The following BRD9 variants were observed in gnomAD, a reference collection of about 807,000 sequenced individuals.
BRD9 encodes bromodomain-containing protein 9.
A neutral mutation model predicts 68.7 loss-of-function variants in BRD9; 47 were observed. The observed-to-expected ratio is 0.68, with a 90% CI of 0.54 to 0.87. The LOEUF is 0.87. BRD9 is among the 40% of genes least tolerant of loss of function. BRD9 has a pLI of 0.00. For missense variants in BRD9, 670 were observed against 748.4 expected (o/e 0.90, Z 1.22); for synonymous variants, 313 against 293.9 (o/e 1.06, Z -0.67).
intron 7 of BRD9, among the ~76,000 whole-genome samples, chr5:884,845 C>A (rs955686393): frequency 3.3e-5 from 5 of 152,274 alleles, no homozygotes; most frequent in African/African-American, 4.8e-5. Context: ...TCCACTCAGG[C>A]ACCTGCGTGA....
intron 3 of BRD9, 67 bp downstream of exon 3, chr5:891,088 G>A (rs1753296987): frequency 6.8e-7 from 1 of 1,480,868 alleles, no homozygotes; most frequent in Non-Finnish European, 9.0e-7. Context: ...ACAGGACACG[G>A]TGCCGACCCC....
At chr5:889,731 T>C (rs1753073041) in intron 3 of BRD9, 84 bp from the exon 4 acceptor site, 2 of 1,581,954 alleles carry the variant, frequency 1.3e-6, no homozygotes, top group African/African-American at 1.3e-5. Context: ...TATCTGTCTG[T>C]CTGGTGTCTC....
chr5:887,986 G>T (rs888294092), intron 5 of BRD9, among the ~76,000 whole-genome samples: 1 of 152,152 alleles, frequency 6.6e-6, no homozygotes, highest in African/African-American at 2.4e-5. Flanking sequence ...GTGAAAATAC[G>T]GAAGCATCAG....
At chr5:876,611 C>G (rs1437240859) in intron 11 of BRD9, among the ~76,000 whole-genome samples, 1 of 152,184 alleles carries the variant, frequency 6.6e-6, no homozygotes, top group Non-Finnish European at 1.5e-5. Context: ...CAGGGGTGGG[C>G]CGACACTTCC....
chr5:891,420 G>C lies in BRD9; in HGVS notation c.268-133C>G, dbSNP rs1224554305. 2.2e-6 allele frequency: 3 copies of C among 1,383,720 alleles called. No homozygotes were observed. In the African/African-American group the frequency reaches 4.4e-5, roughly 20 times the overall value. The allele number at this position is 1,383,720 out of a possible 1,614,324, so 85.7% of individuals were successfully genotyped here. On this transcript the variant is annotated intron_variant, in intron 2 of 15. Coordinates refer to ENST00000467963, the MANE Select transcript of BRD9 (RefSeq NM_023924.5). Reference sequence around the variant, plus strand: ...CCCCTCCGAGATCCTCCTCATGCCAGGCTCCCTCCTCACAGAGACCCTGGC... The same window carrying C: ...CCCCTCCGAGATCCTCCTCATGCCACGCTCCCTCCTCACAGAGACCCTGGC...
At chr5:880,892 T>C (rs1751635598) in intron 9 of BRD9, among the ~76,000 whole-genome samples, 1 of 152,234 alleles carries the variant, frequency 6.6e-6, no homozygotes, top group African/African-American at 2.4e-5. Flanking sequence ...CAAGGAGCCC[T>C]GACCGAGGTC....
At chr5:881,055 C>T (rs1751668265) in intron 9 of BRD9, 52 bp downstream of exon 9, 2 of 1,559,464 alleles carry the variant, frequency 1.3e-6, no homozygotes, top group East Asian at 2.2e-5. Flanking sequence ...TCAACGGAGG[C>T]CCAAAAAGCA....
chr5:877,889 G>C (rs1040259984), intron 11 of BRD9, among the ~76,000 whole-genome samples: 11 of 152,142 alleles, frequency 7.2e-5, no homozygotes, highest in South Asian at 4.1e-4. Context: ...CGAGGACACA[G>C]ACACACGCAG....
chr5:874,635 AAGC>A (rs755775548), intron 12 of BRD9, among the ~76,000 whole-genome samples: 6 of 152,270 alleles, frequency 3.9e-5, no homozygotes, highest in Non-Finnish European at 8.8e-5. Context: ...AGGACTTCAA[AAGC>A]AGCAGCAATA....
intron 14 of BRD9, chr5:869,264 G>C (rs1438886698): frequency 4.4e-6 from 2 of 454,648 alleles, no homozygotes. Context: ...CCCTCTTTTG[G>C]AATTCAGGCA....
intron 8 of BRD9, chr5:882,172 G>GC (rs1292155565): frequency 6.5e-6 from 1 of 152,838 alleles, no homozygotes; most frequent in Non-Finnish European, 1.5e-5. Flanking sequence ...GGAGAATGTG[G>GC]CAATTCCAGG....
At chr5:887,839 G>A (rs1345153558) in intron 5 of BRD9, among the ~76,000 whole-genome samples, 5 of 152,216 alleles carry the variant, frequency 3.3e-5, no homozygotes, top group South Asian at 2.1e-4. Context: ...GAAGGCAGGC[G>A]TGCGGCACAG....
intron 8 of BRD9, chr5:883,377 G>T (rs1752080726): frequency 6.6e-6 from 3 of 456,772 alleles, no homozygotes; most frequent in South Asian, 1.5e-5. Context: ...CTCTTATCAG[G>T]GCTGCTAGGA....
Position 870,494 on chromosome 5 carries a change from T to A in BRD9, c.1504A>T (p.Ile502Phe), listed in dbSNP as rs147731287. ...TCACCCAGAGAGCTGAGCATGGAGA[T>A]ATCCACAGAAACGTCGGGATAGGAC... ...MKSYPDVSVDISMLSSLGKVK... is the reference protein window; with the variant it reads ...MKSYPDVSVDFSMLSSLGKVK... The change falls in exon 14 of 16, where the codon ATC becomes TTC. Residue 502 changes from isoleucine to phenylalanine, a missense_variant. Ile to Phe is a conservative substitution (Grantham distance 21). Transcript: ENST00000467963. 6.2e-7 allele frequency: 1 copy of A among 1,613,896 alleles called. No homozygotes were observed. The highest frequency in any genetic ancestry group is 8.5e-7 in the Non-Finnish European group (1 of 1,179,882).
intron 4 of BRD9, 26 bp downstream of exon 4, chr5:889,561 A>G: frequency 1.2e-6 from 2 of 1,612,154 alleles, no homozygotes; most frequent in Non-Finnish European, 1.7e-6. Flanking sequence ...CCCAGACACT[A>G]GCTCTTCAGA....
intron 7 of BRD9, among the ~76,000 whole-genome samples, chr5:884,608 G>T (rs562163441): frequency 6.6e-6 from 1 of 152,390 alleles, no homozygotes; most frequent in East Asian, 1.9e-4. Context: ...ACAGCTGAGG[G>T]GCACAGGCTG....
chr5:868,097 A>G (rs1423466576), intron 14 of BRD9, among the ~76,000 whole-genome samples: 1 of 152,100 alleles, frequency 6.6e-6, no homozygotes, highest in African/African-American at 2.4e-5. Flanking sequence ...ATAGTGAGTG[A>G]CTTCTCATGA....
chr5:865,928 A>C, intron 14 of BRD9: 3 of 201,410 alleles, frequency 1.5e-5, no homozygotes, highest in Non-Finnish European at 3.0e-5. Context: ...CAACACACAA[A>C]GGCCAGACAG....
intron 14 of BRD9, among the ~76,000 whole-genome samples, chr5:869,932 C>T (rs1452386251): frequency 6.6e-6 from 1 of 152,242 alleles, no homozygotes; most frequent in Admixed American, 6.5e-5. Context: ...GTGTCACAGC[C>T]ACGGTCTTCG....
Sources: gnomAD v4.1 joint callset for allele counts (sites outside exome capture counted in the v4.1 genomes callset) on GRCh38, gnomAD v4.1.1 for gene constraint, MANE v1.5 for transcripts, NCBI Gene and HGNC (gene_info 2026-07-23, HGNC 2026-07-21) for gene names.